HIPK2: variants seen among roughly 807,000 people sequenced by gnomAD.
The protein encoded by HIPK2 is homeodomain interacting protein kinase 2, also known as homeodomain-interacting protein kinase 2.
A neutral mutation model predicts 113.7 loss-of-function variants in HIPK2; 27 were observed. The observed-to-expected ratio is 0.24, with a 90% CI of 0.17 to 0.33. The LOEUF (loss-of-function observed/expected upper bound fraction) is 0.33. Ranked by LOEUF, HIPK2 falls within the 10% of genes least tolerant of loss-of-function variation. HIPK2 has a pLI of 1.00. For missense variants in HIPK2, 1,257 were observed against 1,588.0 expected (o/e 0.79, Z 3.54); for synonymous variants, 631 against 642.2 (o/e 0.98, Z 0.26).
chr7:139,633,315 TG>T (rs1024043960), intron 2 of HIPK2, among the ~76,000 whole-genome samples: 1 of 151,634 alleles, frequency 6.6e-6, no homozygotes, highest in African/African-American at 2.4e-5. Flanking sequence ...AGCATGAGAG[TG>T]GGGAGGAAGA....
chr7:139,647,252 G>C (rs1220058265), intron 2 of HIPK2, among the ~76,000 whole-genome samples: 4 of 152,042 alleles, frequency 2.6e-5, no homozygotes. Context: ...GTCTACTGGG[G>C]TGAGAGGGTC....
intron 2 of HIPK2, among the ~76,000 whole-genome samples, chr7:139,671,366 GACTT>G (rs1226877633): frequency 6.6e-6 from 1 of 152,156 alleles, no homozygotes; most frequent in Non-Finnish European, 1.5e-5. Context: ...TGTATTTACT[GACTT>G]ACTTAAAAAG....
chr7:139,654,332 C>T (rs549019919), intron 2 of HIPK2, among the ~76,000 whole-genome samples: 6 of 151,740 alleles, frequency 4.0e-5, no homozygotes, highest in African/African-American at 1.2e-4. Flanking sequence ...GGCAACACAG[C>T]GAGACTTTGT....
chr7:139,693,138 G>A (rs542962140), intron 2 of HIPK2, among the ~76,000 whole-genome samples: 2 of 152,326 alleles, frequency 1.3e-5, no homozygotes, highest in South Asian at 4.1e-4. Flanking sequence ...ATCACTTAGT[G>A]ATTATAGGAT....
At chr7:139,668,115 A>C in intron 2 of HIPK2, among the ~76,000 whole-genome samples, 1 of 145,992 alleles carries the variant, frequency 6.8e-6, no homozygotes, top group Non-Finnish European at 1.5e-5. Context: ...GACAAGCGCA[A>C]AACTCCATCT....
Position 139,572,894 on chromosome 7 carries a change from T to TACCAACCAAACC in HIPK2, c.*32_*33insGGTTTGGTTGGT. On this transcript the variant is annotated 3_prime_UTR_variant, in exon 15 of 15. Coordinates refer to ENST00000406875, the MANE Select transcript of HIPK2 (RefSeq NM_022740.5). Reference sequence around the variant, plus strand: ...CTCCCTCCTCCCTCGGGCCATTCTCTCCCTCCCTCCCTCCCTCCCTCCCCT... The same window carrying TACCAACCAAACC: ...CTCCCTCCTCCCTCGGGCCATTCTCTACCAACCAAACCCCCTCCCTCCCTCCCTCCCTCCCCT... 1 of 554,278 alleles carries TACCAACCAAACC rather than the reference T, an allele frequency of 1.8e-6. No individual in the cohort carries two copies. The highest frequency in any genetic ancestry group is 3.3e-6 in the Non-Finnish European group (1 of 302,510). The allele number at this position is 554,278 out of a possible 1,614,324, so 34.3% of individuals were successfully genotyped here.
intron 1 of HIPK2, among the ~76,000 whole-genome samples, chr7:139,740,715 G>C (rs182838316): frequency 1.8e-4 from 28 of 152,290 alleles, no homozygotes; most frequent in Non-Finnish European, 2.4e-4. Flanking sequence ...TGCACACATG[G>C]GCTGAAGCCC....
In HIPK2 at chr7:139,629,048, A is replaced by G. The variant is rs1214688497; in HGVS notation, c.1348-9T>C. ...TCATGGTCATCTGGTGTCTGTCAAGAGAGGCAAAAGCCAATTGGTAGCGTG... is the reference window on the plus strand; with the variant it reads ...TCATGGTCATCTGGTGTCTGTCAAGGGAGGCAAAAGCCAATTGGTAGCGTG... On this transcript the variant is annotated splice_polypyrimidine_tract_variant and intron_variant, in intron 4 of 14. Transcript: ENST00000406875. The G allele has an allele frequency of 1.9e-6, 3 of 1,581,500 alleles. No homozygotes were observed. The highest frequency in any genetic ancestry group is 1.3e-5 in the African/African-American group (1 of 74,662).
intron 6 of HIPK2, among the ~76,000 whole-genome samples, chr7:139,626,133 C>T (rs1277695898): frequency 2.7e-5 from 4 of 148,828 alleles, no homozygotes; most frequent in East Asian, 2.0e-4. Context: ...GATGGAGTCT[C>T]GCTCTGTCGC....
intron 1 of HIPK2, among the ~76,000 whole-genome samples, chr7:139,771,852 T>C (rs1427966478): frequency 6.6e-6 from 1 of 152,058 alleles, no homozygotes; most frequent in East Asian, 1.9e-4. Context: ...TATCTTTAAG[T>C]ATATGAAAGG....
chr7:139,760,922 T>C (rs887926468), intron 1 of HIPK2, among the ~76,000 whole-genome samples: 2 of 152,220 alleles, frequency 1.3e-5, no homozygotes, highest in Non-Finnish European at 2.9e-5. Flanking sequence ...TTCAAGATTA[T>C]AGAAGTTCTG....
intron 1 of HIPK2, among the ~76,000 whole-genome samples, chr7:139,757,372 A>C (rs542704944): frequency 3.7e-4 from 57 of 152,214 alleles, no homozygotes; most frequent in Non-Finnish European, 6.6e-4. Context: ...GCATTCATTC[A>C]ATAAGCATTT....
intron 12 of HIPK2, among the ~76,000 whole-genome samples, chr7:139,586,488 G>A (rs1006523227): frequency 2.6e-5 from 4 of 152,130 alleles, no homozygotes; most frequent in Admixed American, 2.6e-4. Context: ...ATGAATGAAT[G>A]CTGGGAGGGG....
At chr7:139,669,463 G>A (rs993804910) in intron 2 of HIPK2, among the ~76,000 whole-genome samples, 1 of 152,204 alleles carries the variant, frequency 6.6e-6, no homozygotes, top group Admixed American at 6.5e-5. Flanking sequence ...CTTGAATTCA[G>A]CCTTTCAAGA....
intron 2 of HIPK2, among the ~76,000 whole-genome samples, chr7:139,666,988 T>C (rs938571752): frequency 1.1e-4 from 16 of 151,828 alleles, no homozygotes; most frequent in African/African-American, 3.4e-4. Flanking sequence ...TTGAACCTTG[T>C]TGGGGGGCAG....
At chr7:139,696,555 C>T (rs1011578862) in intron 2 of HIPK2, among the ~76,000 whole-genome samples, 8 of 149,204 alleles carry the variant, frequency 5.4e-5, no homozygotes, top group South Asian at 2.2e-4. Flanking sequence ...TATACTTTAG[C>T]CAGGGTGACT....
intron 1 of HIPK2, among the ~76,000 whole-genome samples, chr7:139,737,880 C>T (rs971790765): frequency 2.0e-5 from 3 of 152,258 alleles, no homozygotes; most frequent in African/African-American, 7.2e-5. Context: ...CACCTGCTCA[C>T]AGACCAAATG....
chr7:139,646,742 G>C (rs879707094), intron 2 of HIPK2, among the ~76,000 whole-genome samples: 1 of 152,168 alleles, frequency 6.6e-6, no homozygotes, highest in South Asian at 2.1e-4. Flanking sequence ...ACCAGCTTAT[G>C]GAATCAGGGA....
In HIPK2 at chr7:139,571,014, A is replaced by C. The variant is rs1009787365; in HGVS notation, c.*1913T>G. The C allele has an allele frequency of 1.3e-5, 2 of 152,266 alleles. No individual in the cohort carries two copies. The highest frequency in any genetic ancestry group is 1.3e-4 in the Admixed American group (2 of 15,290). 9.4% of individuals were successfully genotyped at this position (152,266 alleles called of 1,614,324 possible). On this transcript the variant is annotated 3_prime_UTR_variant, in exon 15 of 15. Transcript: ENST00000406875. ...AATGTATCAAAGGTGCAAAGAGGGC[A>C]AAGGGCAGATTTCTTTGGAAATTCA...
Sources: gnomAD v4.1 joint callset for allele counts (sites outside exome capture counted in the v4.1 genomes callset) on GRCh38, gnomAD v4.1.1 for gene constraint, MANE v1.5 for transcripts, NCBI Gene and HGNC (gene_info 2026-07-23, HGNC 2026-07-21) for gene names.